Variants in PPP3CC observed in about 807,000 individuals in gnomAD.
The protein encoded by PPP3CC is serine/threonine-protein phosphatase 2B catalytic subunit gamma isoform.
A neutral mutation model predicts 60.3 loss-of-function variants in PPP3CC; 35 were observed. The observed-to-expected ratio is 0.58, with a 90% CI of 0.44 to 0.77. PPP3CC has a LOEUF of 0.77. Ranked by LOEUF, PPP3CC falls within the 30% of genes least tolerant of loss-of-function variation. The pLI is 0.00. For synonymous variants in PPP3CC, 206 were observed against 224.3 expected (o/e 0.92, Z 0.73); for missense variants, 570 against 628.9 (o/e 0.91, Z 1.00).
intron 8 of PPP3CC, chr8:22,522,956 T>C: frequency 2.0e-6 from 1 of 494,036 alleles, no homozygotes; most frequent in Non-Finnish European, 3.5e-6. Flanking sequence ...GGCTTCTTTG[T>C]GAGTATAAAT....
At chr8:22,494,722 A>G (rs1157205967) in intron 3 of PPP3CC, among the ~76,000 whole-genome samples, 1 of 152,122 alleles carries the variant, frequency 6.6e-6, no homozygotes, top group African/African-American at 2.4e-5. Flanking sequence ...CCTCAGACCA[A>G]ATAAGGCCAC....
At chr8:22,519,506 G>A (rs2443504) in intron 6 of PPP3CC, among the ~76,000 whole-genome samples, 41,974 of 151,936 alleles carry the variant, frequency 0.28, 7,127 homozygotes, top group East Asian at 0.45. Flanking sequence ...TATCTTTTGT[G>A]TATCTACTGT....
intron 5 of PPP3CC, among the ~76,000 whole-genome samples, chr8:22,511,698 G>T (rs559789989): frequency 6.6e-6 from 1 of 152,284 alleles, no homozygotes; most frequent in African/African-American, 2.4e-5. Context: ...TTAACATTTT[G>T]ATATGTACCT....
chr8:22,500,918 CT>C (rs1838743064), intron 4 of PPP3CC, among the ~76,000 whole-genome samples: 1 of 152,162 alleles, frequency 6.6e-6, no homozygotes, highest in Non-Finnish European at 1.5e-5. Flanking sequence ...CTTTTGGAGG[CT>C]CAGGTGAGTG....
intron 10 of PPP3CC, among the ~76,000 whole-genome samples, chr8:22,530,851 A>G (rs1282071611): frequency 6.7e-6 from 1 of 149,304 alleles, no homozygotes; most frequent in South Asian, 2.1e-4. Flanking sequence ...AAAAAAAAAA[A>G]AAAAAGGAAG....
intron 6 of PPP3CC, 48 bp downstream of exon 6, chr8:22,513,480 AT>A: frequency 6.6e-7 from 1 of 1,506,078 alleles, no homozygotes; most frequent in Non-Finnish European, 8.9e-7. Flanking sequence ...ACTGTAATTC[AT>A]TTTATCAGAT....
intron 1 of PPP3CC, among the ~76,000 whole-genome samples, chr8:22,472,250 G>C (rs1837744981): frequency 6.6e-6 from 1 of 150,866 alleles, no homozygotes; most frequent in African/African-American, 2.5e-5. Context: ...TAGCTTAAAA[G>C]ACAAGTACAT....
At chr8:22,478,760 T>C (rs1837974748) in intron 3 of PPP3CC, among the ~76,000 whole-genome samples, 1 of 152,178 alleles carries the variant, frequency 6.6e-6, no homozygotes, top group Non-Finnish European at 1.5e-5. Flanking sequence ...CGAATAGACT[T>C]TTGTTATAAT....
intron 3 of PPP3CC, among the ~76,000 whole-genome samples, chr8:22,481,196 G>A (rs533509438): frequency 5.9e-5 from 9 of 152,118 alleles, no homozygotes; most frequent in African/African-American, 1.4e-4. Context: ...TTAGCCGGGC[G>A]TGGTGGTGGG....
chr8:22,479,294 A>G (rs1007313151), intron 3 of PPP3CC, among the ~76,000 whole-genome samples: 3 of 152,196 alleles, frequency 2.0e-5, no homozygotes, highest in Non-Finnish European at 4.4e-5. Context: ...CTTTCTACAA[A>G]TCAGAGATAA....
At chr8:22,528,384 C>T in intron 9 of PPP3CC, 122 bp from the exon 10 acceptor site, 2 of 495,342 alleles carry the variant, frequency 4.0e-6, no homozygotes, top group Non-Finnish European at 6.8e-6. Flanking sequence ...TTCTTACTAA[C>T]ATAATGATAA....
chr8:22,482,548 A>G (rs1044313394), intron 3 of PPP3CC, among the ~76,000 whole-genome samples: 2 of 152,100 alleles, frequency 1.3e-5, no homozygotes, highest in African/African-American at 2.4e-5. Context: ...ATTAGATTCC[A>G]TTTGTCAATA....
chr8:22,477,866 T>A (rs1837941691), intron 3 of PPP3CC, among the ~76,000 whole-genome samples: 1 of 152,210 alleles, frequency 6.6e-6, no homozygotes, highest in African/African-American at 2.4e-5. Flanking sequence ...TATTTATTTT[T>A]TGAGACAGAG....
intron 3 of PPP3CC, among the ~76,000 whole-genome samples, chr8:22,480,940 A>G (rs978092257): frequency 1.3e-5 from 2 of 152,268 alleles, no homozygotes; most frequent in African/African-American, 4.8e-5. Context: ...TAAAAAACAA[A>G]AAAAGACTTA....
chr8:22,457,041 CT>C (rs1837220479), intron 1 of PPP3CC, among the ~76,000 whole-genome samples: 1 of 108,902 alleles, frequency 9.2e-6, no homozygotes, highest in African/African-American at 3.5e-5. Context: ...CCCTTCCTCC[CT>C]CCCTTCCTTC....
chr8:22,489,066 G>A (rs1269940465), intron 3 of PPP3CC, among the ~76,000 whole-genome samples: 4 of 151,878 alleles, frequency 2.6e-5, no homozygotes, highest in Non-Finnish European at 5.9e-5. Context: ...GGGGAGTGAC[G>A]TATTCACATT....
Position 22,540,633 on chromosome 8 carries a change from T to G in PPP3CC, c.1370T>G (p.Leu457Arg). Residue 457 changes from leucine to arginine, a missense_variant, in exon 14 of 14, where the codon CTT becomes CGT. By Grantham distance (102) the Leu-to-Arg change is moderately radical. Coordinates refer to ENST00000240139, the MANE Select transcript of PPP3CC (RefSeq NM_005605.5). ...TCTGTAGCCATCAGAGGGTTCTCGC[T>G]TCAGCACAAGATCCGGAGTTTTGAA... Reference protein sequence around the residue: ...EAREAIRGFSLQHKIRSFEEA... With the variant: ...EAREAIRGFSRQHKIRSFEEA... The G allele has an allele frequency of 6.2e-7, 1 of 1,613,656 alleles. No homozygotes were observed. The highest frequency in any genetic ancestry group is 1.1e-5 in the South Asian group (1 of 91,046).
At position 22,522,533 on chromosome 8, in the gene PPP3CC, A is replaced by G. The variant is rs1839435314; in HGVS notation, c.813A>G (p.Leu271=). 1 of 1,612,636 alleles carries G rather than the reference A, an allele frequency of 6.2e-7. No homozygotes were observed. Among genetic ancestry groups the G allele is most frequent in the South Asian group, 1.1e-5 (1 of 90,626 alleles). Residue 271 remains leucine (L), a synonymous_variant, in exon 7 of 14, where the codon CTA becomes CTG. Transcript: ENST00000240139. ...VCEFLQNNNL[L]SIIRAHEAQD... is the part of the protein sequence containing the mutation. ...AATTTTTGCAGAACAATAATTTACT[A>G]TCAATTATCAGAGCCCATGAAGCCC...
chr8:22,495,199 T>A (rs868708326), intron 3 of PPP3CC, among the ~76,000 whole-genome samples: 13 of 152,326 alleles, frequency 8.5e-5, no homozygotes, highest in Middle Eastern at 6.8e-3. Context: ...TCCTCCTGCC[T>A]TGGCCTCCTA....
Sources: allele counts gnomAD v4.1 joint callset (sites outside exome capture counted in the v4.1 genomes callset), GRCh38; gene constraint gnomAD v4.1.1; transcripts MANE v1.5; gene names NCBI Gene and HGNC (gene_info 2026-07-23, HGNC 2026-07-21).